Variants in SFI1 observed in about 807,000 individuals in gnomAD.
SFI1 encodes protein SFI1 homolog.
A neutral mutation model predicts 207.5 loss-of-function variants in SFI1; 195 were observed. The ratio of observed to expected loss-of-function variants is 0.94; its 90% CI spans 0.84 to 1.06. The LOEUF is 1.06. SFI1 is among the 50% of genes least tolerant of loss of function. The pLI is 0.00. For missense variants in SFI1, 1,634 were observed against 1,588.0 expected, an observed-to-expected ratio of 1.03 and a Z score of -0.49; for synonymous variants, 630 against 598.9, an observed-to-expected ratio of 1.05 and a Z score of -0.76.
intron 20 of SFI1, 64 bp downstream of exon 20, chr22:31,605,009 C>A: frequency 7.1e-7 from 1 of 1,414,544 alleles, no homozygotes; most frequent in Non-Finnish European, 9.5e-7. Flanking sequence ...CAAACCCCAG[C>A]CTTTTAGGGG....
At chr22:31,532,915 T>C (rs1369139167) in intron 4 of SFI1, among the ~76,000 whole-genome samples, 2 of 152,124 alleles carry the variant, frequency 1.3e-5, no homozygotes, top group Non-Finnish European at 2.9e-5. Flanking sequence ...TGGGGTGGTT[T>C]AAGGTGTGGG....
In SFI1 at chr22:31,592,943, C is replaced by T. The variant is rs1299459193; in HGVS notation, c.1544+3366C>T. ...CCCAGTAGGGGCGGCCGGGCAGAGGCGCCCCTCACCTCCCGGACGGGGCGG... is the reference window on the plus strand; with the variant it reads ...CCCAGTAGGGGCGGCCGGGCAGAGGTGCCCCTCACCTCCCGGACGGGGCGG... On this transcript the variant is annotated intron_variant, in intron 15 of 32. Coordinates refer to ENST00000400288, the MANE Select transcript of SFI1 (RefSeq NM_001007467.3). Among the ~76,000 whole-genome samples the T allele has an allele frequency of 1.4e-3, 163 of 113,046 alleles. 1 individual carries two copies. The highest frequency in any genetic ancestry group is 5.9e-3 in the African/African-American group (152 of 25,846). The allele number at this position is 113,046 out of a possible 152,430, so 74.2% of individuals were successfully genotyped here. A position where few individuals can be genotyped will look rare whatever the true frequency, so the allele number is the denominator to read the frequency against.
chr22:31,584,991 A>G, intron 13 of SFI1, 77 bp from the exon 14 acceptor site: 1 of 1,287,240 alleles, frequency 7.8e-7, no homozygotes, highest in Non-Finnish European at 1.1e-6. Context: ...ACAGGAAGTA[A>G]CTGTACCGCA....
chr22:31,604,826 G>C (rs1005798967), intron 19 of SFI1, 43 bp from the exon 20 acceptor site: 17 of 1,572,124 alleles, frequency 1.1e-5, no homozygotes, highest in Non-Finnish European at 1.5e-5. Context: ...ACAGGGGGAA[G>C]TGTGGGCCCA....
At chr22:31,574,873 A>G (rs1041610223) in intron 9 of SFI1, among the ~76,000 whole-genome samples, 1 of 152,068 alleles carries the variant, frequency 6.6e-6, no homozygotes, top group Non-Finnish European at 1.5e-5. Context: ...CTTGGCTAAC[A>G]TGGTGAAACC....
chr22:31,519,455 G>A (rs77517122), intron 2 of SFI1, among the ~76,000 whole-genome samples: 12 of 147,176 alleles, frequency 8.2e-5, no homozygotes, highest in South Asian at 6.5e-4. Flanking sequence ...TTTTTTTTCC[G>A]AGACACAGTC....
At position 31,614,793 on chromosome 22, in the gene SFI1, A is replaced by G; in HGVS notation, c.3001A>G (p.Thr1001Ala). 1 of 1,613,750 alleles carries G rather than the reference A, an allele frequency of 6.2e-7. No individual in the cohort carries two copies. Among genetic ancestry groups the G allele is most frequent in the Non-Finnish European group, 8.5e-7 (1 of 1,180,012 alleles). Residue 1001 changes from threonine to alanine, a missense_variant, in exon 28 of 33, where the codon ACT becomes GCT. Physicochemically the swap from Thr to Ala is moderately conservative, Grantham distance 58 (BLOSUM62 0). Transcript: ENST00000400288. Reference protein sequence around the residue: ...AEEPHALELNTAHSARKQPRR... With the variant: ...AEEPHALELNAAHSARKQPRR... The stretch of plus-strand genomic sequence containing the variant: ...AGACCCCATGTTTCTTTCCAGCAAC[A>G]CTGCCCACTCAGCGAGGAAGCAGCC...
At chr22:31,511,320 C>G (rs756370540) in intron 2 of SFI1, among the ~76,000 whole-genome samples, 6 of 152,084 alleles carry the variant, frequency 3.9e-5, no homozygotes, top group Non-Finnish European at 7.3e-5. Flanking sequence ...AGAAGGAGTC[C>G]TCGTAAGCTG....
chr22:31,506,080 T>C (rs1035786920), intron 1 of SFI1, among the ~76,000 whole-genome samples: 4 of 149,444 alleles, frequency 2.7e-5, no homozygotes, highest in African/African-American at 9.8e-5. Flanking sequence ...GACAGAGTCT[T>C]GCTCTGTTGC....
intron 7 of SFI1, 134 bp downstream of exon 7, chr22:31,557,193 T>G: frequency 1.6e-6 from 1 of 635,912 alleles, no homozygotes; most frequent in Non-Finnish European, 2.7e-6. Context: ...GTTTTGTTTT[T>G]TTCGAGATAG....
intron 12 of SFI1, among the ~76,000 whole-genome samples, chr22:31,581,543 C>T (rs564025941): frequency 1.2e-4 from 18 of 152,120 alleles, no homozygotes; most frequent in African/African-American, 4.1e-4. Flanking sequence ...CCACCTGCCT[C>T]GGCCTCCTAA....
chr22:31,610,458 T>C (rs1374665425), intron 22 of SFI1, among the ~76,000 whole-genome samples: 2 of 152,242 alleles, frequency 1.3e-5, no homozygotes, highest in Non-Finnish European at 2.9e-5. Flanking sequence ...CCGCCTTCCC[T>C]GCCTGCCTCA....
intron 4 of SFI1, among the ~76,000 whole-genome samples, chr22:31,535,932 G>T (rs1206696050): frequency 1.3e-5 from 2 of 152,040 alleles, no homozygotes; most frequent in Non-Finnish European, 2.9e-5. Flanking sequence ...GTGAGTCAAG[G>T]TTCGGTTAAG....
At chr22:31,522,393 A>G (rs1197502031) in intron 2 of SFI1, among the ~76,000 whole-genome samples, 4 of 152,286 alleles carry the variant, frequency 2.6e-5, no homozygotes, top group East Asian at 3.9e-4. Flanking sequence ...ATTTAGTACC[A>G]TTAAGTACAT....
In SFI1 at chr22:31,575,366, G is replaced by A. The variant is rs745352130; in HGVS notation, c.1058G>A (p.Arg353Gln). ...VEKLARKMAL[R>Q]RAFTHWKHYM... ...AAACTGGCCAGGAAGATGGCCCTGC[G>A]GCGCGCCTTTACTCACTGGAAACAC... The change falls in exon 10 of 33, where the codon CGG becomes CAG. Residue 353 changes from arginine to glutamine, a missense_variant. Arg to Gln is a conservative substitution (Grantham distance 43, BLOSUM62 1). Transcript: ENST00000400288. The A allele has an allele frequency of 3.7e-6, 6 of 1,611,054 alleles. No individual in the cohort carries two copies. Among genetic ancestry groups the A allele is most frequent in the East Asian group, 2.2e-5 (1 of 44,782 alleles).
chr22:31,554,708 G>C (rs1488360536), intron 6 of SFI1, among the ~76,000 whole-genome samples: 1 of 151,282 alleles, frequency 6.6e-6, no homozygotes, highest in Admixed American at 6.6e-5. Context: ...CTGGGTTCAA[G>C]CAATTATCTT....
chr22:31,584,228 G>C (rs2064727806), intron 13 of SFI1, among the ~76,000 whole-genome samples: 1 of 152,078 alleles, frequency 6.6e-6, no homozygotes, highest in Admixed American at 6.6e-5. Flanking sequence ...TCACTGCCTT[G>C]GTCCTACAGG....
chr22:31,593,556 C>T (rs1454403432), intron 15 of SFI1, among the ~76,000 whole-genome samples: 8 of 123,052 alleles, frequency 6.5e-5, no homozygotes, highest in East Asian at 2.4e-4. Flanking sequence ...AGACGATGGG[C>T]GGCCAGGCAG....
chr22:31,499,694 C>A (rs542094190), intron 1 of SFI1, among the ~76,000 whole-genome samples: 1 of 152,098 alleles, frequency 6.6e-6, no homozygotes, highest in Non-Finnish European at 1.5e-5. Flanking sequence ...GAGAGTCCAT[C>A]GATGTGACAC....
Sources: gnomAD v4.1 joint callset for allele counts (sites outside exome capture counted in the v4.1 genomes callset) on GRCh38, gnomAD v4.1.1 for gene constraint, MANE v1.5 for transcripts, NCBI Gene and HGNC (gene_info 2026-07-23, HGNC 2026-07-21) for gene names.